Variants in SORT1 observed in about 807,000 individuals in gnomAD.
The protein encoded by SORT1 is sortilin.
SORT1 carries 39 observed loss-of-function variants against 101.7 expected under a neutral mutation model. That is an observed-to-expected ratio of 0.38 (90% CI 0.30 to 0.50). SORT1 has a LOEUF of 0.50. SORT1 is among the 20% of genes least tolerant of loss of function. The pLI is 0.90. For synonymous variants in SORT1, 396 were observed against 393.7 expected (o/e 1.01, Z -0.07); for missense variants, 878 against 1,040.4 (o/e 0.84, Z 2.15).
intron 15 of SORT1, 68 bp downstream of exon 15, chr1:109,322,864 T>G: frequency 7.7e-7 from 1 of 1,306,546 alleles, no homozygotes; most frequent in Non-Finnish European, 1.1e-6. Context: ...GTTAGCCCTA[T>G]AAGAAAACTG....
At chr1:109,389,384 G>C (rs1257212033) in intron 1 of SORT1, among the ~76,000 whole-genome samples, 1 of 152,122 alleles carries the variant, frequency 6.6e-6, no homozygotes, top group African/African-American at 2.4e-5. Context: ...TTATAACTGG[G>C]ATCTCATAAC....
At position 109,354,461 on chromosome 1, in the gene SORT1, T is replaced by C; in HGVS notation, c.614A>G (p.Lys205Arg). ...AGGGAGATCTGTTTGCACAAAATTCTTCGCAAAATCTGATGATCTAAAGAT... is the reference window on the plus strand; with the variant it reads ...AGGGAGATCTGTTTGCACAAAATTCCTCGCAAAATCTGATGATCTAAAGAT... ...GRIFRSSDFAKNFVQTDLPFH... is the reference protein window; with the variant it reads ...GRIFRSSDFARNFVQTDLPFH... The change falls in exon 5 of 20, where the codon AAG (lysine) becomes AGG (arginine). Residue 205 changes from lysine to arginine, a missense_variant. Physicochemically the swap from Lys to Arg is conservative, Grantham distance 26 (BLOSUM62 2). Transcript: ENST00000256637. 1 of 1,613,716 alleles carries C rather than the reference T, an allele frequency of 6.2e-7. No individual in the cohort carries two copies. The highest frequency in any genetic ancestry group is 8.5e-7 in the Non-Finnish European group (1 of 1,179,632).
chr1:109,395,202 CAA>C (rs1653120873), intron 1 of SORT1, among the ~76,000 whole-genome samples: 1 of 111,600 alleles, frequency 9.0e-6, no homozygotes, highest in Non-Finnish European at 1.8e-5. Context: ...CTAACAAACG[CAA>C]AAACTTTTTT....
In SORT1 at chr1:109,309,595, T is replaced by C. The variant is rs72647817; in HGVS notation, c.*4448A>G. The C allele has an allele frequency of 6.6e-6, 1 of 152,236 alleles. No individual in the cohort carries two copies. The highest frequency in any genetic ancestry group is 2.4e-5 in the African/African-American group (1 of 41,452). The allele number at this position is 152,236 out of a possible 1,614,324, so 9.4% of individuals were successfully genotyped here. ...GTAGGTCAGGTAACAAAGTCCAGTCTGTTTTATTTTTAACCCAAATATTCC... is the reference window on the plus strand; with the variant it reads ...GTAGGTCAGGTAACAAAGTCCAGTCCGTTTTATTTTTAACCCAAATATTCC... On this transcript the variant is annotated 3_prime_UTR_variant, in exon 20 of 20. Coordinates refer to ENST00000256637, the MANE Select transcript of SORT1 (RefSeq NM_002959.7).
Position 109,369,552 on chromosome 1 carries a change from G to A in SORT1, c.344C>T (p.Ser115Phe), listed in dbSNP as rs78147467. The A allele has an allele frequency of 3.1e-6, 5 of 1,609,812 alleles. No homozygotes were observed. In the East Asian group the frequency reaches 8.9e-5, roughly 29 times the overall value. Residue 115 changes from serine to phenylalanine, a missense_variant, in exon 2 of 20, where the codon TCC becomes TTC. Physicochemically the swap from Ser to Phe is radical, Grantham distance 155. This residue lies in a region of SORT1 where 684 missense variants were observed against 894.5 expected (regional missense o/e 0.76). Coordinates refer to ENST00000256637, the MANE Select transcript of SORT1 (RefSeq NM_002959.7). ...FDDLRGSVSL[S>F]WVGDSTGVIL... is the part of the protein sequence containing the mutation. ...TACCCCAGTGCTATCTCCAACCCAG[G>A]ACAAGGATACTGAGCCTCTGAGATC...
At position 109,340,629 on chromosome 1, in the gene SORT1, G is replaced by A. The variant is rs533833259; in HGVS notation, c.1264+95C>T. Reference sequence around the variant, plus strand: ...GTACATGGGTAGGCTTGTTGGCTTGGCAAGCAACATTACTAGGGGACAGGT... The same window carrying A: ...GTACATGGGTAGGCTTGTTGGCTTGACAAGCAACATTACTAGGGGACAGGT... On this transcript the variant is annotated intron_variant, in intron 10 of 19. Transcript: ENST00000256637. The A allele has an allele frequency of 6.4e-5, 82 of 1,276,402 alleles. No homozygotes were observed. The African/African-American group carries it at 1.1e-3, about 16-fold the overall frequency. 79.1% of individuals were successfully genotyped at this position (1,276,402 alleles called of 1,614,324 possible).
At chr1:109,354,597 CACCATTTTCACCAGACATTAGT>C (rs1650185735) in intron 4 of SORT1, 66 bp from the exon 5 acceptor site, 1 of 1,142,872 alleles carries the variant, frequency 8.7e-7, no homozygotes, top group Non-Finnish European at 1.2e-6. Flanking sequence ...GGAGTTCTTA[CACCATTTTCACCAGACATTAGT>C]TAAGAAATTT....
At chr1:109,378,625 T>C (rs1050286787) in intron 1 of SORT1, among the ~76,000 whole-genome samples, 14 of 146,520 alleles carry the variant, frequency 9.6e-5, no homozygotes, top group African/African-American at 3.5e-4. Context: ...TGTTCTATAA[T>C]ATCAAAATAA....
At chr1:109,328,542 T>C (rs1648239361) in intron 11 of SORT1, among the ~76,000 whole-genome samples, 1 of 152,254 alleles carries the variant, frequency 6.6e-6, no homozygotes, top group Non-Finnish European at 1.5e-5. Flanking sequence ...GAAATGTCTA[T>C]ACAAGTTCTT....
chr1:109,360,705 G>C (rs1463822904), intron 3 of SORT1, among the ~76,000 whole-genome samples: 1 of 152,094 alleles, frequency 6.6e-6, no homozygotes, highest in Non-Finnish European at 1.5e-5. Context: ...ATATTGGGGA[G>C]GGGGTCCCTC....
chr1:109,378,109 C>T (rs758998872), intron 1 of SORT1, among the ~76,000 whole-genome samples: 1 of 152,000 alleles, frequency 6.6e-6, no homozygotes, highest in African/African-American at 2.4e-5. Context: ...TGGTGGTACA[C>T]ACCTGTAGTT....
At chr1:109,327,226 G>C in intron 12 of SORT1, 66 bp from the exon 13 acceptor site, 2 of 1,284,980 alleles carry the variant, frequency 1.6e-6, no homozygotes, top group Non-Finnish European at 2.2e-6. Context: ...TTACTCCAGA[G>C]AGAATAATGT....
At chr1:109,325,301 G>A (rs910293390) in intron 13 of SORT1, among the ~76,000 whole-genome samples, 8 of 139,976 alleles carry the variant, frequency 5.7e-5, no homozygotes, top group African/African-American at 2.1e-4. Flanking sequence ...GCAGTGGCGC[G>A]ATCTCGACTC....
chr1:109,391,756 A>G (rs1186351161), intron 1 of SORT1, among the ~76,000 whole-genome samples: 2 of 152,236 alleles, frequency 1.3e-5, no homozygotes, highest in African/African-American at 4.8e-5. Context: ...AAGAACAAAA[A>G]AGCTGCCTAG....
chr1:109,386,453 G>A (rs919302817), intron 1 of SORT1, among the ~76,000 whole-genome samples: 10 of 152,204 alleles, frequency 6.6e-5, no homozygotes, highest in African/African-American at 2.4e-4. Context: ...CAAAGATGGA[G>A]AAGCAACAGA....
At chr1:109,363,707 A>G (rs989387352) in intron 3 of SORT1, among the ~76,000 whole-genome samples, 1 of 152,218 alleles carries the variant, frequency 6.6e-6, no homozygotes, top group African/African-American at 2.4e-5. Context: ...ACCTTTAACC[A>G]TATAAGATTT....
intron 1 of SORT1, chr1:109,393,250 A>C: frequency 1.0e-6 from 1 of 985,376 alleles, no homozygotes; most frequent in Non-Finnish European, 1.2e-6. Flanking sequence ...AGATGCTTTA[A>C]AGTTGGAGTA....
chr1:109,383,487 A>G (rs928500894), intron 1 of SORT1, among the ~76,000 whole-genome samples: 2 of 152,242 alleles, frequency 1.3e-5, no homozygotes, highest in Non-Finnish European at 2.9e-5. Context: ...TAAAACTACA[A>G]AAGAACGTTA....
At chr1:109,331,508 A>G (rs1480695547) in intron 11 of SORT1, among the ~76,000 whole-genome samples, 1 of 152,200 alleles carries the variant, frequency 6.6e-6, no homozygotes, top group Non-Finnish European at 1.5e-5. Context: ...TCAATAAATT[A>G]GGTATAAAAG....
Sources: gnomAD v4.1 joint callset for allele counts (sites outside exome capture counted in the v4.1 genomes callset) on GRCh38, gnomAD v4.1.1 for gene constraint, gnomAD v4.1.1 regional missense constraint, MANE v1.5 for transcripts, NCBI Gene and HGNC (gene_info 2026-07-23, HGNC 2026-07-21) for gene names.